The following EML1 variants were observed in gnomAD, a reference collection of about 807,000 sequenced individuals.
The protein encoded by EML1 is EMAP like 1, also known as echinoderm microtubule-associated protein-like 1.
EML1 carries 27 observed loss-of-function variants against 110.4 expected under a neutral mutation model. The ratio of observed to expected loss-of-function variants is 0.24; its 90% CI spans 0.18 to 0.34. The LOEUF (loss-of-function observed/expected upper bound fraction) is 0.34. Ranked by LOEUF, EML1 falls within the 10% of genes least tolerant of loss-of-function variation. The pLI is 1.00. For synonymous variants in EML1, 344 were observed against 385.8 expected (o/e 0.89, Z 1.27); for missense variants, 741 against 1,030.9 (o/e 0.72, Z 3.85).
chr14:99,800,915 C>T (rs2057863181), intron 1 of EML1, among the ~76,000 whole-genome samples: 1 of 152,230 alleles, frequency 6.6e-6, no homozygotes, highest in African/African-American at 2.4e-5. Flanking sequence ...GCACTTACTC[C>T]AAGCCCAGGG....
At chr14:99,887,729 C>T (rs1223805916) in intron 4 of EML1, among the ~76,000 whole-genome samples, 1 of 152,192 alleles carries the variant, frequency 6.6e-6, no homozygotes, top group African/African-American at 2.4e-5. Context: ...AGTGCTGGGT[C>T]TGAAGGACCC....
chr14:99,910,453 T>G (rs528031390), intron 12 of EML1, 112 bp downstream of exon 12: 3 of 820,444 alleles, frequency 3.7e-6, no homozygotes, highest in East Asian at 2.7e-5. Flanking sequence ...AGGATGAAAT[T>G]TCAAGTTACA....
intron 17 of EML1, among the ~76,000 whole-genome samples, chr14:99,928,326 A>T (rs911368381): frequency 1.3e-5 from 2 of 150,480 alleles, no homozygotes; most frequent in Non-Finnish European, 3.0e-5. Context: ...GGTGGAAGTT[A>T]CTCTAGTTGG....
Position 99,939,429 on chromosome 14 carries a change from C to G in EML1, c.2322+102C>G. 6.6e-7 allele frequency: 1 copy of G among 1,524,288 alleles called. No homozygotes were observed. The allele number at this position is 1,524,288 out of a possible 1,614,324, so 94.4% of individuals were successfully genotyped here. ...GGAAATGGGCTGTGAGCGACTGCTG[C>G]CAGCCACAAAGGCAGATGTGACTCT... is the stretch of plus-strand genomic sequence containing the variant. On this transcript the variant is annotated intron_variant, in intron 21 of 21. Transcript: ENST00000262233. This position sits in a 1 kb window ranked among gnomAD's most constrained non-coding sequence, Gnocchi z 4.2.
intron 7 of EML1, 107 bp downstream of exon 7, chr14:99,897,401 T>C: frequency 9.4e-7 from 1 of 1,060,830 alleles, no homozygotes; most frequent in Non-Finnish European, 1.3e-6. Context: ...ACCCTGTCTC[T>C]AAAATAAATA....
At chr14:99,909,545 T>C (rs1328902089) in intron 11 of EML1, 66 bp downstream of exon 11, 1 of 1,591,528 alleles carries the variant, frequency 6.3e-7, no homozygotes, top group Non-Finnish European at 8.6e-7. Context: ...GATGCATCTC[T>C]CTGGGGGCTC....
At chr14:99,814,969 A>T (rs887325747) in intron 1 of EML1, among the ~76,000 whole-genome samples, 1 of 152,086 alleles carries the variant, frequency 6.6e-6, no homozygotes, top group Non-Finnish European at 1.5e-5. Flanking sequence ...AAATGGAATT[A>T]CTCAGGGTCA....
chr14:99,782,366 G>A (rs1189719025), intron 1 of EML1, among the ~76,000 whole-genome samples: 3 of 152,320 alleles, frequency 2.0e-5, no homozygotes, highest in Middle Eastern at 3.4e-3. Context: ...TAGGCTTGCA[G>A]CAGAGACTGG....
intron 1 of EML1, among the ~76,000 whole-genome samples, chr14:99,754,641 T>A (rs2057224131): frequency 6.6e-6 from 1 of 152,168 alleles, no homozygotes; most frequent in Non-Finnish European, 1.5e-5. Context: ...TCTTCCGAGT[T>A]TTGTTTTGAG....
upstream of EML1, among the ~76,000 whole-genome samples, chr14:99,793,101 G>C (rs1172244493): frequency 6.6e-6 from 1 of 150,768 alleles, no homozygotes; most frequent in Non-Finnish European, 1.5e-5. Context: ...GCCCCCGTGC[G>C]CGGAGGCGGG....
At chr14:99,840,414 A>G (rs1399326631) in intron 1 of EML1, among the ~76,000 whole-genome samples, 1 of 152,192 alleles carries the variant, frequency 6.6e-6, no homozygotes, top group Non-Finnish European at 1.5e-5. Flanking sequence ...TAGCCGTGCA[A>G]CCTTAGGCAA....
chr14:99,910,161 A>G, intron 11 of EML1, 81 bp from the exon 12 acceptor site: 1 of 1,017,458 alleles, frequency 9.8e-7, no homozygotes, highest in Non-Finnish European at 1.4e-6. Flanking sequence ...AGATGTTATT[A>G]GTACAAATGA....
intron 4 of EML1, among the ~76,000 whole-genome samples, chr14:99,881,858 C>G (rs1298448920): frequency 6.6e-6 from 1 of 152,184 alleles, no homozygotes; most frequent in African/African-American, 2.4e-5. Context: ...CTCGGCCTCC[C>G]AAAGTGCTGG....
chr14:99,809,080 G>A (rs1019947956), intron 1 of EML1, among the ~76,000 whole-genome samples: 1 of 152,120 alleles, frequency 6.6e-6, no homozygotes, highest in African/African-American at 2.4e-5. Flanking sequence ...TTGTCTTCAT[G>A]TTAGCATCCG....
At chr14:99,793,233 C>T (rs1487070675), upstream of EML1, 4 of 628,530 alleles carry the variant, frequency 6.4e-6, no homozygotes, top group African/African-American at 6.0e-5. Flanking sequence ...CCCGCCACGT[C>T]CCCCTCCCGG....
intron 1 of EML1, among the ~76,000 whole-genome samples, chr14:99,753,507 TGGAA>T (rs2057207241): frequency 6.6e-6 from 1 of 151,844 alleles, no homozygotes; most frequent in Admixed American, 6.6e-5. Flanking sequence ...TCTCCCTTCC[TGGAA>T]CACCTTGTGG....
chr14:99,746,416 A>G (rs933832093), intron 1 of EML1, among the ~76,000 whole-genome samples: 8 of 152,136 alleles, frequency 5.3e-5, no homozygotes, highest in African/African-American at 1.9e-4. Context: ...TGGAGCCTGG[A>G]TGGAGGCTTG....
chr14:99,864,123 A>G (rs2059051133), intron 2 of EML1, among the ~76,000 whole-genome samples: 1 of 152,210 alleles, frequency 6.6e-6, no homozygotes, highest in Non-Finnish European at 1.5e-5. Flanking sequence ...CTTATTTGCC[A>G]TCTGTATATG....
Position 99,936,297 on chromosome 14 carries a change from C to T in EML1, c.2058C>T (p.Phe686=). 1.9e-6 allele frequency: 3 copies of T among 1,614,006 alleles called. No individual in the cohort carries two copies. The highest frequency in any genetic ancestry group is 2.5e-6 in the Non-Finnish European group (3 of 1,180,036). ...THLDWSVNSQ[F]LVSNSGDYEI... ...TGGACTGGTCTGTAAACTCACAGTT[C>T]CTCGTGTCAAATTCCGGAGACTACG... The change falls in exon 19 of 22, where the codon TTC becomes TTT. Residue 686 remains phenylalanine, a synonymous_variant. Coordinates refer to ENST00000262233, the MANE Select transcript of EML1 (RefSeq NM_004434.3). The surrounding 1 kb of genome is among the most constrained non-coding windows in gnomAD (Gnocchi z 5.5).
Sources: gnomAD v4.1 joint callset for allele counts (sites outside exome capture counted in the v4.1 genomes callset) on GRCh38, gnomAD v4.1.1 for gene constraint, Gnocchi (gnomAD v3.1) non-coding constraint, MANE v1.5 for transcripts, NCBI Gene and HGNC (gene_info 2026-07-23, HGNC 2026-07-21) for gene names.